Variants in LRP12 observed in about 807,000 individuals in gnomAD.
The protein encoded by LRP12 is LDL receptor related protein 12.
LRP12 carries 14 observed loss-of-function variants against 66.0 expected under a neutral mutation model. The observed-to-expected ratio is 0.21, with a 90% confidence interval of 0.14 to 0.33. The LOEUF (loss-of-function observed/expected upper bound fraction) is 0.33, where lower values mean the gene tolerates loss of function less well. Among genes scored for constraint, LRP12 ranks in the 10% least tolerant of loss-of-function variants. The pLI is 1.00. For missense variants in LRP12, 889 were observed against 1,053.4 expected (o/e 0.84, Z 2.16); for synonymous variants, 357 against 359.1 (o/e 0.99, Z 0.07).
Position 104,498,010 on chromosome 8 carries a change from T to G in LRP12, c.542A>C (p.Glu181Ala). The change falls in exon 5 of 7, where the codon GAA becomes GCA. Residue 181 changes from glutamate (E) to alanine (A), a missense_variant. Glu to Ala is a moderately radical substitution (Grantham distance 107). Transcript: ENST00000276654. ...FRCGNGKCIP[E>A]AWKCNNMDEC... is the part of the protein sequence containing the mutation. The stretch of plus-strand genomic sequence containing the variant: ...ATCCATGTTATTACATTTCCAGGCT[T>G]CTGGTATACACTTTCCATTACCACA... 6.2e-7 allele frequency: 1 copy of G among 1,614,096 alleles called. No homozygotes were observed. The highest frequency in any genetic ancestry group is 8.5e-7 in the Non-Finnish European group (1 of 1,179,970).
intron 1 of LRP12, among the ~76,000 whole-genome samples, chr8:104,548,619 T>TTATATAATTATTATATAATTAAATTAAG (rs1564142504): frequency 8.7e-6 from 1 of 114,752 alleles, no homozygotes. Flanking sequence ...ATTAAATTAA[T>TTATATAATTATTATATAATTAAATTAAG]TATATAATTA....
intron 1 of LRP12, among the ~76,000 whole-genome samples, chr8:104,585,856 T>C (rs76578236): frequency 0.031 from 4,663 of 152,272 alleles, 234 homozygotes; most frequent in African/African-American, 0.11. Context: ...AATTGTGGTT[T>C]AGGAGGTGAG....
intron 1 of LRP12, among the ~76,000 whole-genome samples, chr8:104,586,349 T>TAGAGTCATTTCATTTA: frequency 6.6e-6 from 1 of 152,208 alleles, no homozygotes; most frequent in Non-Finnish European, 1.5e-5. Context: ...AAGCACACCT[T>TAGAGTCATTTCATTTA]AGAGTCATTT....
In LRP12 at chr8:104,589,041, G is replaced by A. The variant is rs1258800929; in HGVS notation, c.-144C>T. 1 of 415,950 alleles carries A rather than the reference G, an allele frequency of 2.4e-6. No individual in the cohort carries two copies. The highest frequency in any genetic ancestry group is 5.3e-5 in the East Asian group (1 of 19,002). 25.8% of individuals were successfully genotyped at this position (415,950 alleles called of 1,614,324 possible). ...CTGCGCTCTCCGCGGCTGCGGGAGGGGGAAGGGAGGGGCCGCCGCCGCCCG... is the reference window on the plus strand; with the variant it reads ...CTGCGCTCTCCGCGGCTGCGGGAGGAGGAAGGGAGGGGCCGCCGCCGCCCG... On this transcript the variant is annotated 5_prime_UTR_variant, in exon 1 of 7. Coordinates refer to ENST00000276654, the MANE Select transcript of LRP12 (RefSeq NM_013437.5).
intron 1 of LRP12, among the ~76,000 whole-genome samples, chr8:104,547,986 T>TTCTA (rs1167444111): frequency 8.0e-6 from 1 of 124,522 alleles, no homozygotes; most frequent in East Asian, 2.2e-4. Context: ...TAATATATAA[T>TTCTA]TGTTATATTT....
intron 1 of LRP12, among the ~76,000 whole-genome samples, chr8:104,556,744 A>G (rs1223015951): frequency 6.6e-6 from 1 of 152,170 alleles, no homozygotes; most frequent in East Asian, 1.9e-4. Context: ...GAAAGAAGGA[A>G]TCTTCCCTAC....
At chr8:104,517,099 G>T (rs895805585) in intron 2 of LRP12, among the ~76,000 whole-genome samples, 13 of 151,224 alleles carry the variant, frequency 8.6e-5, no homozygotes, top group African/African-American at 3.2e-4. Context: ...AAGAAATAGA[G>T]AACTCATGTT....
At chr8:104,570,284 C>G (rs1255563914) in intron 1 of LRP12, among the ~76,000 whole-genome samples, 1 of 152,028 alleles carries the variant, frequency 6.6e-6, no homozygotes, top group Non-Finnish European at 1.5e-5. Flanking sequence ...CAAGCTGATT[C>G]TAAAATGTAT....
rs560500843 is a variant in LRP12, at chr8:104,507,794, G to C, written c.272+1145C>G. The stretch of plus-strand genomic sequence containing the variant: ...CTGGGGTTCCAGAAGAGGTAATGTA[G>C]GGTAGAGGAAAATAAAAGGAAAACA... On this transcript the variant is annotated intron_variant, in intron 3 of 6. Transcript: ENST00000276654. The C allele has an allele frequency of 9.9e-5, 15 of 152,220 alleles. No individual in the cohort carries two copies. The East Asian group carries it at 2.9e-3, about 29-fold the overall frequency. The allele number at this position is 152,220 out of a possible 1,614,324, so 9.4% of individuals were successfully genotyped here. A position where few individuals can be genotyped will look rare whatever the true frequency, so the allele number is the denominator to read the frequency against.
At chr8:104,520,703 A>G (rs546901345) in intron 2 of LRP12, among the ~76,000 whole-genome samples, 16 of 152,096 alleles carry the variant, frequency 1.1e-4, no homozygotes, top group African/African-American at 3.9e-4. Flanking sequence ...CCTTACTTAC[A>G]TCAGGCTGTT....
chr8:104,546,550 G>A (rs1436698011), intron 1 of LRP12, among the ~76,000 whole-genome samples: 1 of 151,984 alleles, frequency 6.6e-6, no homozygotes, highest in African/African-American at 2.4e-5. Context: ...TTATGGATGC[G>A]AAAACTCACT....
intron 2 of LRP12, among the ~76,000 whole-genome samples, chr8:104,509,643 T>C (rs960611688): frequency 2.0e-5 from 3 of 152,168 alleles, no homozygotes; most frequent in Non-Finnish European, 2.9e-5. Context: ...AATTCGGATA[T>C]GTCAAAGAGA....
intron 2 of LRP12, among the ~76,000 whole-genome samples, chr8:104,523,721 C>T (rs144052940): frequency 6.6e-6 from 1 of 152,214 alleles, no homozygotes; most frequent in East Asian, 1.9e-4. Context: ...GTTGCAAGTG[C>T]TCCCAAGAAG....
chr8:104,505,836 G>A (rs532771471), intron 3 of LRP12: 19 of 152,056 alleles, frequency 1.2e-4, no homozygotes, highest in Admixed American at 8.5e-4. Context: ...TTCTAACAAA[G>A]TCCAAGTAAG....
At chr8:104,546,610 C>G (rs1010896944) in intron 1 of LRP12, among the ~76,000 whole-genome samples, 1 of 151,968 alleles carries the variant, frequency 6.6e-6, no homozygotes, top group Non-Finnish European at 1.5e-5. Flanking sequence ...TAGTAAGTGG[C>G]AGAGACAGAC....
At chr8:104,501,728 A>C (rs988279835) in intron 3 of LRP12, among the ~76,000 whole-genome samples, 2 of 151,972 alleles carry the variant, frequency 1.3e-5, no homozygotes, top group African/African-American at 4.8e-5. Flanking sequence ...AATGGATTCA[A>C]GTCCTTTGTT....
chr8:104,519,553 T>A (rs907007188), intron 2 of LRP12, among the ~76,000 whole-genome samples: 4 of 152,010 alleles, frequency 2.6e-5, no homozygotes, highest in African/African-American at 9.7e-5. Flanking sequence ...GAGCATCATG[T>A]CAGTGCTCTA....
Position 104,548,303 on chromosome 8 carries a change from T to A in LRP12, c.80-16340A>T, listed in dbSNP as rs565337882. 3.2e-3 allele frequency among the ~76,000 whole-genome samples: 116 copies of A among 35,736 alleles called. 5 individuals are homozygous for A. Among genetic ancestry groups the A allele is most frequent in the African/African-American group, 0.02 (79 of 3,966 alleles). The allele number at this position is 35,736 out of a possible 152,430, so 23.4% of individuals were successfully genotyped here. A position where few individuals can be genotyped will look rare whatever the true frequency, so the allele number is the denominator to read the frequency against. On this transcript the variant is annotated intron_variant, in intron 1 of 6. Transcript: ENST00000276654. ...ATTAATATATCATATATTTATATAA[T>A]ATATATTATATAAATATATAATATA...
intron 1 of LRP12, among the ~76,000 whole-genome samples, chr8:104,552,082 A>G (rs569625078): frequency 1.3e-5 from 2 of 152,252 alleles, no homozygotes; most frequent in Non-Finnish European, 2.9e-5. Flanking sequence ...TCAGAAAGCC[A>G]CAAGTGGAAG....
Sources: allele counts gnomAD v4.1 joint callset (sites outside exome capture counted in the v4.1 genomes callset), GRCh38; gene constraint gnomAD v4.1.1; transcripts MANE v1.5; gene names NCBI Gene and HGNC (gene_info 2026-07-23, HGNC 2026-07-21).